Variants in CSNK2A2 observed in about 807,000 individuals in gnomAD.
CSNK2A2 encodes the protein casein kinase 2 alpha 2, also known as casein kinase II subunit alpha'.
CSNK2A2 carries 8 observed loss-of-function variants against 54.0 expected under a neutral mutation model. The observed-to-expected ratio is 0.15, with a 90% confidence interval of 0.09 to 0.27. CSNK2A2 has a LOEUF of 0.27. CSNK2A2 is among the 10% of genes least tolerant of loss of function. The probability of loss-of-function intolerance (pLI) is 1.00; values close to 1 mark genes in which losing one functional copy is unlikely to be tolerated. For missense variants in CSNK2A2, 242 were observed against 439.4 expected (o/e 0.55, Z 4.02); for synonymous variants, 141 against 153.9 (o/e 0.92, Z 0.62).
At chr16:58,171,789 TTATTA>T (rs925080317) in intron 5 of CSNK2A2, among the ~76,000 whole-genome samples, 1 of 151,022 alleles carries the variant, frequency 6.6e-6, no homozygotes, top group African/African-American at 2.4e-5. Context: ...AAATTTTATT[TTATTA>T]TTTTATTTTT....
Position 58,197,039 on chromosome 16 carries a change from T to TA in CSNK2A2, c.105-196_105-195insT. On this transcript the variant is annotated intron_variant, in intron 1 of 11. Coordinates refer to ENST00000262506, the MANE Select transcript of CSNK2A2 (RefSeq NM_001896.4). This position sits in a 1 kb window ranked among gnomAD's most constrained non-coding sequence, Gnocchi z 4.0. ...CACTCTGCAGAGCTCCTAACCTAATTGGTCTCTCCTAACTTGGGAAGATGG... is the reference window on the plus strand; with the variant it reads ...CACTCTGCAGAGCTCCTAACCTAATTAGGTCTCTCCTAACTTGGGAAGATGG... 1 of 553,932 alleles carries TA rather than the reference T, an allele frequency of 1.8e-6. No homozygotes were observed. Among genetic ancestry groups the TA allele is most frequent in the Non-Finnish European group, 3.3e-6 (1 of 303,804 alleles). 34.3% of individuals were successfully genotyped at this position (553,932 alleles called of 1,614,324 possible). A position where few individuals can be genotyped will look rare whatever the true frequency, so the allele number is the denominator to read the frequency against.
intron 5 of CSNK2A2, among the ~76,000 whole-genome samples, chr16:58,169,436 TG>T (rs1961671963): frequency 6.6e-6 from 1 of 151,966 alleles, no homozygotes; most frequent in African/African-American, 2.4e-5. Flanking sequence ...GGGCTGAGGC[TG>T]GAGAACTGCT....
At chr16:58,191,384 C>T (rs896348837) in intron 2 of CSNK2A2, among the ~76,000 whole-genome samples, 3 of 151,858 alleles carry the variant, frequency 2.0e-5, no homozygotes, top group South Asian at 2.1e-4. Flanking sequence ...TTTTTTTAGA[C>T]GAGTTTCACT....
At chr16:58,188,422 G>A (rs1405234285) in intron 2 of CSNK2A2, among the ~76,000 whole-genome samples, 1 of 152,200 alleles carries the variant, frequency 6.6e-6, no homozygotes, top group Non-Finnish European at 1.5e-5. Flanking sequence ...AATAGCCAGG[G>A]AAGGACACAC....
intron 5 of CSNK2A2, among the ~76,000 whole-genome samples, chr16:58,170,798 A>G (rs1003371202): frequency 6.6e-6 from 1 of 152,100 alleles, no homozygotes; most frequent in Non-Finnish European, 1.5e-5. Context: ...GCTGATTCAA[A>G]TCTTTCAATC....
rs373897365 is a variant in CSNK2A2 at position 58,158,272 on chromosome 16, G to A, written c.*99C>T. 3.3e-5 allele frequency: 5 copies of A among 152,726 alleles called. No individual in the cohort carries two copies. The highest frequency in any genetic ancestry group is 1.9e-4 in the East Asian group (1 of 5,198). 9.5% of individuals were successfully genotyped at this position (152,726 alleles called of 1,614,324 possible). ...TGCCACCGTTTTGTGTCTGCTCACGGAACGTGATCTCTCTATACGCGTTAA... is the reference window on the plus strand; with the variant it reads ...TGCCACCGTTTTGTGTCTGCTCACGAAACGTGATCTCTCTATACGCGTTAA... On this transcript the variant is annotated 3_prime_UTR_variant, in exon 12 of 12. Coordinates refer to ENST00000262506, the MANE Select transcript of CSNK2A2 (RefSeq NM_001896.4).
At chr16:58,164,012 T>G in intron 11 of CSNK2A2, 42 bp downstream of exon 11, 2 of 1,451,038 alleles carry the variant, frequency 1.4e-6, no homozygotes, top group Non-Finnish European at 1.9e-6. Context: ...AGGTTTGTGT[T>G]TGGTTGGTTG....
chr16:58,179,856 G>C (rs1961982507), intron 4 of CSNK2A2, among the ~76,000 whole-genome samples: 1 of 151,960 alleles, frequency 6.6e-6, no homozygotes, highest in South Asian at 2.1e-4. Context: ...AAGGCGGGTG[G>C]GTCATGAGTT....
chr16:58,164,279 A>C (rs575474297), intron 10 of CSNK2A2, 132 bp from the exon 11 acceptor site: 379 of 666,550 alleles, frequency 5.7e-4, no homozygotes, highest in Admixed American at 1.4e-3. Context: ...GCAACAGGAG[A>C]GACGGAAATC....
chr16:58,174,640 G>C (rs940542491), intron 4 of CSNK2A2, 130 bp from the exon 5 acceptor site: 15 of 537,830 alleles, frequency 2.8e-5, no homozygotes, highest in Non-Finnish European at 4.8e-5. Flanking sequence ...TTTACTACCT[G>C]ATCTGAAATA....
At chr16:58,175,950 G>C (rs1207217713) in intron 4 of CSNK2A2, among the ~76,000 whole-genome samples, 2 of 152,148 alleles carry the variant, frequency 1.3e-5, no homozygotes. Flanking sequence ...TTCTGCTCAG[G>C]AGAGCTTCAG....
intron 4 of CSNK2A2, among the ~76,000 whole-genome samples, chr16:58,180,202 G>T (rs1395846712): frequency 1.3e-5 from 2 of 151,714 alleles, no homozygotes; most frequent in Non-Finnish European, 2.9e-5. Context: ...AAATAAGATA[G>T]GAGCAGAAAG....
chr16:58,186,161 T>C (rs1228314483), intron 3 of CSNK2A2, among the ~76,000 whole-genome samples: 1 of 152,118 alleles, frequency 6.6e-6, no homozygotes, highest in Non-Finnish European at 1.5e-5. Context: ...AGTTACTCCC[T>C]AGGGAGAGAA....
chr16:58,196,703 A>G, intron 2 of CSNK2A2, 30 bp downstream of exon 2: 1 of 1,463,662 alleles, frequency 6.8e-7, no homozygotes, highest in Non-Finnish European at 9.6e-7. Flanking sequence ...TGGGGAGGAA[A>G]ATGTTACATA....
rs1322194814 is a variant in CSNK2A2, at chr16:58,197,425, G to A, written c.104+208C>T. Among the ~76,000 whole-genome samples, 4 of 152,222 alleles carry A rather than the reference G, an allele frequency of 2.6e-5. No individual in the cohort carries two copies. The highest frequency in any genetic ancestry group is 5.9e-5 in the Non-Finnish European group (4 of 68,040). ...AAAAAGCATTCCTTGGGGGAAAGGGGTGCGCAAAGCGGGGAGAAAGGGACG... is the reference window on the plus strand; with the variant it reads ...AAAAAGCATTCCTTGGGGGAAAGGGATGCGCAAAGCGGGGAGAAAGGGACG... On this transcript the variant is annotated intron_variant, in intron 1 of 11. Coordinates refer to ENST00000262506, the MANE Select transcript of CSNK2A2 (RefSeq NM_001896.4). This position sits in a 1 kb window ranked among gnomAD's most constrained non-coding sequence, Gnocchi z 4.0.
intron 4 of CSNK2A2, among the ~76,000 whole-genome samples, chr16:58,177,817 A>G (rs1961920579): frequency 6.6e-6 from 1 of 152,188 alleles, no homozygotes; most frequent in South Asian, 2.1e-4. Flanking sequence ...CAAAAGAGGT[A>G]TTTACTGTAG....
intron 9 of CSNK2A2, among the ~76,000 whole-genome samples, chr16:58,166,375 C>G (rs1236345699): frequency 6.6e-6 from 1 of 152,062 alleles, no homozygotes; most frequent in African/African-American, 2.4e-5. Flanking sequence ...TTTACCTTTT[C>G]TATTAATAGG....
chr16:58,172,502 T>G (rs74019824), intron 5 of CSNK2A2, among the ~76,000 whole-genome samples: 10,195 of 152,264 alleles, frequency 0.067, 417 homozygotes, highest in South Asian at 0.2. Context: ...CCCACTCCTG[T>G]TTTTTCTTTT....
At chr16:58,187,814 T>A (rs531810462) in intron 2 of CSNK2A2, among the ~76,000 whole-genome samples, 4 of 152,268 alleles carry the variant, frequency 2.6e-5, no homozygotes, top group South Asian at 4.1e-4. Flanking sequence ...ACAGAGCCCA[T>A]GGCAGAGAGG....
Sources: allele counts gnomAD v4.1 joint callset (sites outside exome capture counted in the v4.1 genomes callset), GRCh38; gene constraint gnomAD v4.1.1; non-coding constraint Gnocchi (gnomAD v3.1); transcripts MANE v1.5; gene names NCBI Gene and HGNC (gene_info 2026-07-23, HGNC 2026-07-21).